UGDH: variants seen among roughly 807,000 people sequenced by gnomAD.
UGDH encodes the protein UDP-glucose 6-dehydrogenase.
UGDH carries 38 observed loss-of-function variants against 50.6 expected under a neutral mutation model. The ratio of observed to expected loss-of-function variants is 0.75; its 90% CI spans 0.58 to 0.98. UGDH has a LOEUF of 0.98. UGDH is among the 50% of genes least tolerant of loss of function. UGDH has a pLI of 0.00. For missense variants in UGDH, 465 were observed against 606.2 expected (o/e 0.77, Z 2.45); for synonymous variants, 168 against 199.9 (o/e 0.84, Z 1.35).
In UGDH at chr4:39,499,917, C is replaced by A; in HGVS notation, c.*226G>T. On this transcript the variant is annotated 3_prime_UTR_variant, in exon 12 of 12. Transcript: ENST00000316423. ...CTGTGGCGGGTGCCTGTAGTCCCAGCTACTTGGGAGGCTGAGCCAGGAGAA... is the reference window on the plus strand; with the variant it reads ...CTGTGGCGGGTGCCTGTAGTCCCAGATACTTGGGAGGCTGAGCCAGGAGAA... 6.2e-6 allele frequency: 2 copies of A among 324,854 alleles called. No individual in the cohort carries two copies. The highest frequency in any genetic ancestry group is 1.1e-5 in the Non-Finnish European group (2 of 177,484). 20.1% of individuals were successfully genotyped at this position (324,854 alleles called of 1,614,324 possible). A position where few individuals can be genotyped will look rare whatever the true frequency, so the allele number is the denominator to read the frequency against.
At chr4:39,514,245 ATAGT>A in intron 2 of UGDH, 61 bp from the exon 3 acceptor site, 1 of 1,225,714 alleles carries the variant, frequency 8.2e-7, no homozygotes, top group African/African-American at 1.5e-5. Context: ...AGATAACCTA[ATAGT>A]ATAGAATTAC....
chr4:39,517,349 C>T (rs1007066555), intron 2 of UGDH, among the ~76,000 whole-genome samples: 52 of 151,042 alleles, frequency 3.4e-4, no homozygotes, highest in African/African-American at 1.2e-3. Flanking sequence ...ATTACAGGCG[C>T]GAGCCACTAC....
Position 39,505,664 on chromosome 4 carries a change from T to A in UGDH, c.991A>T (p.Ile331Leu). 1.2e-6 allele frequency: 2 copies of A among 1,608,380 alleles called. No individual in the cohort carries two copies. Among genetic ancestry groups the A allele is most frequent in the South Asian group, 1.1e-5 (1 of 90,014 alleles). ...SLFNTVTDKK[I>L]AILGFAFKKD... ...TTGAATGCAAATCCCAAAATAGCTATCTTCTTATCAGTTACTGTATTAAAC... is the reference window on the plus strand; with the variant it reads ...TTGAATGCAAATCCCAAAATAGCTAACTTCTTATCAGTTACTGTATTAAAC... The change falls in exon 8 of 12, where the codon ATA becomes TTA. Residue 331 changes from isoleucine (I) to leucine (L), a missense_variant. Transcript: ENST00000316423.
At position 39,503,915 on chromosome 4, in the gene UGDH, A is replaced by G; in HGVS notation, c.1334T>C (p.Leu445Pro). The change falls in exon 11 of 12, where the codon CTG becomes CCG. Residue 445 changes from leucine (L) to proline (P), a missense_variant. Leu to Pro is a moderately conservative substitution (Grantham distance 98). Coordinates refer to ENST00000316423, the MANE Select transcript of UGDH (RefSeq NM_003359.4). ...PAFIFDGRRV[L>P]DGLHNELQTI... ...TTGTAGTTCATTGTGGAGCCCATCC[A>G]GGACACGCCGTCCATCGAAGATAAA... 6.2e-7 allele frequency: 1 copy of G among 1,614,248 alleles called. No homozygotes were observed. The highest frequency in any genetic ancestry group is 8.5e-7 in the Non-Finnish European group (1 of 1,180,040).
At chr4:39,508,729 C>G in intron 6 of UGDH, 69 bp from the exon 7 acceptor site, 1 of 1,326,576 alleles carries the variant, frequency 7.5e-7, no homozygotes, top group Non-Finnish European at 1.0e-6. Context: ...TGACAAATTT[C>G]TTTATACTAA....
intron 11 of UGDH, among the ~76,000 whole-genome samples, chr4:39,502,872 A>C (rs980622848): frequency 2.6e-4 from 40 of 151,984 alleles, no homozygotes; most frequent in Non-Finnish European, 4.4e-4. Context: ...TCAGCCTCCC[A>C]TGTGGCTGGG....
chr4:39,506,912 ACTCAGGAGG>A (rs1273578290), intron 7 of UGDH, among the ~76,000 whole-genome samples: 4 of 152,102 alleles, frequency 2.6e-5, no homozygotes, highest in African/African-American at 9.7e-5. Context: ...AGTCCCAGCT[ACTCAGGAGG>A]CTCAGGTGGA....
chr4:39,521,525 A>G lies in UGDH; in HGVS notation c.-7-6T>C. On this transcript the variant is annotated splice_polypyrimidine_tract_variant and splice_region_variant and intron_variant, in intron 1 of 11. Coordinates refer to ENST00000316423, the MANE Select transcript of UGDH (RefSeq NM_003359.4). The stretch of plus-strand genomic sequence containing the variant: ...TAATTTCAAACATGATTGTACTAGA[A>G]GGAAAACAGTAAGACTGTTCTAGTA... 1 of 1,580,952 alleles carries G rather than the reference A, an allele frequency of 6.3e-7. No homozygotes were observed. Among genetic ancestry groups the G allele is most frequent in the Non-Finnish European group, 8.6e-7 (1 of 1,164,232 alleles).
At chr4:39,503,079 G>A (rs1745886148) in intron 11 of UGDH, among the ~76,000 whole-genome samples, 1 of 152,166 alleles carries the variant, frequency 6.6e-6, no homozygotes, top group Non-Finnish European at 1.5e-5. Context: ...ACCACACCCA[G>A]CTAATTTTTG....
intron 6 of UGDH, 124 bp downstream of exon 6, chr4:39,509,636 T>G: frequency 1.8e-6 from 2 of 1,125,120 alleles, no homozygotes; most frequent in Non-Finnish European, 2.4e-6. Context: ...AAAAAGAAAA[T>G]AACAGCATCT....
intron 2 of UGDH, among the ~76,000 whole-genome samples, chr4:39,519,266 G>A (rs1746553145): frequency 6.6e-6 from 1 of 150,924 alleles, no homozygotes; most frequent in South Asian, 2.1e-4. Context: ...ATGTTGCCCA[G>A]GCTGGACTTG....
chr4:39,514,989 T>C (rs1191216079), intron 2 of UGDH, among the ~76,000 whole-genome samples: 1 of 151,984 alleles, frequency 6.6e-6, no homozygotes, highest in East Asian at 1.9e-4. Context: ...GCCTATTTTA[T>C]TTTTTCATAC....
chr4:39,521,617 G>T, intron 1 of UGDH, 98 bp from the exon 2 acceptor site: 1 of 1,006,952 alleles, frequency 9.9e-7, no homozygotes, highest in Non-Finnish European at 1.3e-6. Flanking sequence ...CTGTCAAGGT[G>T]ACAGATATCT....
At chr4:39,520,436 T>G (rs1292156357) in intron 2 of UGDH, among the ~76,000 whole-genome samples, 2 of 152,180 alleles carry the variant, frequency 1.3e-5, no homozygotes, top group Non-Finnish European at 2.9e-5. Context: ...GCAAATGCTT[T>G]TCTGTTGAGT....
intron 1 of UGDH, among the ~76,000 whole-genome samples, chr4:39,524,480 G>A (rs1746796964): frequency 1.3e-5 from 2 of 151,716 alleles, no homozygotes; most frequent in Non-Finnish European, 2.9e-5. Context: ...TATTTTTGCA[G>A]TAATTGACCA....
chr4:39,524,279 A>T (rs1746788344), intron 1 of UGDH, among the ~76,000 whole-genome samples: 1 of 152,158 alleles, frequency 6.6e-6, no homozygotes. Context: ...GGGCTTAAGG[A>T]GTTCATAGTT....
chr4:39,505,938 A>G (rs944642499), intron 7 of UGDH, among the ~76,000 whole-genome samples, 190 bp from the exon 8 acceptor site: 11 of 151,774 alleles, frequency 7.2e-5, no homozygotes, highest in African/African-American at 2.7e-4. Flanking sequence ...CCCCTTCCTT[A>G]AAGCCATCCT....
chr4:39,522,566 G>T (rs1488765457), intron 1 of UGDH, among the ~76,000 whole-genome samples: 1 of 152,074 alleles, frequency 6.6e-6, no homozygotes, highest in Non-Finnish European at 1.5e-5. Context: ...ATTCTTTTTG[G>T]TTTGAATCTG....
intron 2 of UGDH, among the ~76,000 whole-genome samples, chr4:39,517,430 G>A (rs774814654): frequency 7.2e-5 from 11 of 151,788 alleles, no homozygotes; most frequent in Admixed American, 3.3e-4. Context: ...GGATGGTCTC[G>A]AACTTCTGAC....
Sources: allele counts gnomAD v4.1 joint callset (sites outside exome capture counted in the v4.1 genomes callset), GRCh38; gene constraint gnomAD v4.1.1; transcripts MANE v1.5; gene names NCBI Gene and HGNC (gene_info 2026-07-23, HGNC 2026-07-21).